Variants in IL1RAPL2 observed in about 807,000 individuals in gnomAD.
The protein encoded by IL1RAPL2 is interleukin 1 receptor accessory protein like 2, also known as X-linked interleukin-1 receptor accessory protein-like 2.
A neutral mutation model predicts 44.1 loss-of-function variants in IL1RAPL2; 3 were observed. That is an observed-to-expected ratio of 0.07 (90% CI 0.03 to 0.18). The LOEUF is 0.18. Among genes scored for constraint, IL1RAPL2 ranks in the 10% least tolerant of loss-of-function variants. The pLI is 1.00. For missense variants in IL1RAPL2, 391 were observed against 496.4 expected (o/e 0.79, Z 2.02); for synonymous variants, 181 against 178.8 (o/e 1.01, Z -0.10).
intron 2 of IL1RAPL2, among the ~76,000 whole-genome samples, chrX:104,978,816 G>A (rs2030384101): frequency 1.8e-5 from 2 of 111,637 alleles, no homozygotes; most frequent in South Asian, 7.5e-4. Flanking sequence ...AAGAAAAAAT[G>A]TATTTTTTAT....
chrX:105,272,207 C>T (rs959032468), intron 5 of IL1RAPL2, among the ~76,000 whole-genome samples: 10 of 107,288 alleles, frequency 9.3e-5, no homozygotes, highest in South Asian at 4.3e-4. Context: ...GGGTGCAGCG[C>T]ACCAGCATGG....
At chrX:105,235,507 T>C (rs1418520983) in intron 4 of IL1RAPL2, among the ~76,000 whole-genome samples, 1 of 111,623 alleles carries the variant, frequency 9.0e-6, no homozygotes. Flanking sequence ...CTCCCACAGC[T>C]GTCATATGCC....
rs775964455 is a variant in IL1RAPL2, at chrX:104,949,850, G to A, written c.83-245625G>A. 3.1e-3 allele frequency among the ~76,000 whole-genome samples: 345 copies of A among 111,130 alleles called. 2 individuals carry two copies. Among genetic ancestry groups the A allele is most frequent in the African/African-American group, 1.0e-2 (305 of 30,565 alleles). On this transcript the variant is annotated intron_variant, in intron 2 of 10. Coordinates refer to ENST00000372582, the MANE Select transcript of IL1RAPL2 (RefSeq NM_017416.2). Reference sequence around the variant, plus strand: ...AGCTTTACTTCCAAGTATGTGGTCAGTTTTGGAATAGGTGTGGTGTGGTGC... The same window carrying A: ...AGCTTTACTTCCAAGTATGTGGTCAATTTTGGAATAGGTGTGGTGTGGTGC...
intron 6 of IL1RAPL2, among the ~76,000 whole-genome samples, chrX:105,697,218 G>A (rs1266009958): frequency 1.8e-5 from 2 of 109,227 alleles, no homozygotes; most frequent in Non-Finnish European, 3.8e-5. Context: ...TTTCAACCTT[G>A]GGGTTCACAT....
intron 6 of IL1RAPL2, among the ~76,000 whole-genome samples, chrX:105,615,587 A>T (rs2037369717): frequency 8.9e-6 from 1 of 112,127 alleles, no homozygotes; most frequent in Non-Finnish European, 1.9e-5. Context: ...GCACAAAAAG[A>T]TTCACTTTGC....
rs62604975 is a variant in IL1RAPL2 at position 105,685,351 on chromosome X, G to C, written c.773-32016G>C. 4.0e-3 allele frequency among the ~76,000 whole-genome samples: 453 copies of C among 111,856 alleles called. 1 individual carries two copies. Among genetic ancestry groups the C allele is most frequent in the Non-Finnish European group, 6.4e-3 (341 of 53,185 alleles). On this transcript the variant is annotated intron_variant, in intron 6 of 10. Transcript: ENST00000372582. ...GGCTAATTAGAATAAACAGTGTAGA[G>C]AAGATCTTAAATGACCTGATGGAGC...
At chrX:104,877,753 T>TG in intron 2 of IL1RAPL2, among the ~76,000 whole-genome samples, 1 of 111,639 alleles carries the variant, frequency 9.0e-6, no homozygotes, top group East Asian at 2.8e-4. Flanking sequence ...CAGGGCATTT[T>TG]TTTTTTCTTG....
chrX:104,912,907 T>G (rs183043111), intron 2 of IL1RAPL2, among the ~76,000 whole-genome samples: 4 of 112,220 alleles, frequency 3.6e-5, no homozygotes, highest in Non-Finnish European at 5.6e-5. Flanking sequence ...ACAAAAGAAG[T>G]AGCAGGCATA....
chrX:105,179,776 A>AT (rs377379863), intron 2 of IL1RAPL2, among the ~76,000 whole-genome samples: 1,359 of 86,172 alleles, frequency 0.016, 29 homozygotes, highest in African/African-American at 0.054. Context: ...TGCTTTCTTG[A>AT]TTTTTTTTTT....
intron 7 of IL1RAPL2, among the ~76,000 whole-genome samples, chrX:105,726,849 C>T (rs2147561570): frequency 9.1e-6 from 1 of 110,415 alleles, no homozygotes; most frequent in African/African-American, 3.3e-5. Context: ...CATTACAAAA[C>T]TTTCTTCCTT....
intron 5 of IL1RAPL2, among the ~76,000 whole-genome samples, chrX:105,450,599 G>C (rs1296410918): frequency 2.7e-5 from 3 of 111,766 alleles, no homozygotes; most frequent in African/African-American, 9.8e-5. Context: ...GTAATAAATA[G>C]TTCCAGTGAA....
At chrX:105,291,877 T>G (rs2034615576) in intron 5 of IL1RAPL2, among the ~76,000 whole-genome samples, 1 of 111,305 alleles carries the variant, frequency 9.0e-6, no homozygotes, top group South Asian at 3.8e-4. Flanking sequence ...ACATATGGAT[T>G]TTTTTCAACC....
intron 5 of IL1RAPL2, among the ~76,000 whole-genome samples, chrX:105,348,336 C>G (rs901600651): frequency 7.2e-5 from 8 of 111,370 alleles, no homozygotes; most frequent in Admixed American, 3.9e-4. Context: ...AATCCTGGCT[C>G]TTCCAATTAA....
chrX:104,949,819 G>A (rs1368453067), intron 2 of IL1RAPL2, among the ~76,000 whole-genome samples: 1 of 111,303 alleles, frequency 9.0e-6, no homozygotes, highest in African/African-American at 3.3e-5. Context: ...TACATTTGCT[G>A]AGGAGAGCTT....
chrX:104,899,366 A>T (rs187414448), intron 2 of IL1RAPL2, among the ~76,000 whole-genome samples: 4 of 112,007 alleles, frequency 3.6e-5, no homozygotes, highest in Admixed American at 2.8e-4. Context: ...ATCATTACAA[A>T]TTTTATTTTG....
In IL1RAPL2 at chrX:104,834,534, T is replaced by C. The variant is rs564156649; in HGVS notation, c.82+175539T>C. ...TGTGGGAAAGACAAGAGGAAATCAGTTATAAATATTTTACACACAAACAAA... is the reference window on the plus strand; with the variant it reads ...TGTGGGAAAGACAAGAGGAAATCAGCTATAAATATTTTACACACAAACAAA... On this transcript the variant is annotated intron_variant, in intron 2 of 10. Transcript: ENST00000372582. Among the ~76,000 whole-genome samples, 28 of 112,095 alleles carry C rather than the reference T, an allele frequency of 2.5e-4. No homozygotes were observed. In the South Asian group the frequency reaches 0.01, roughly 41 times the overall value.
chrX:105,354,298 T>A (rs1029453902), intron 5 of IL1RAPL2, among the ~76,000 whole-genome samples: 4 of 109,811 alleles, frequency 3.6e-5, no homozygotes, highest in Non-Finnish European at 7.6e-5. Flanking sequence ...GTGGCACATA[T>A]ACACCATGGA....
chrX:105,022,350 A>G (rs193244425), intron 2 of IL1RAPL2, among the ~76,000 whole-genome samples: 95 of 111,394 alleles, frequency 8.5e-4, no homozygotes, highest in Admixed American at 2.7e-3. Flanking sequence ...AATAAAGAAG[A>G]ATCAGATTGT....
At chrX:105,612,875 A>C (rs777379888) in intron 6 of IL1RAPL2, among the ~76,000 whole-genome samples, 51 of 111,702 alleles carry the variant, frequency 4.6e-4, no homozygotes, top group South Asian at 3.8e-4. Context: ...CCATGGGCTA[A>C]AGTGCTCTGG....
Sources: allele counts gnomAD v4.1 joint callset (sites outside exome capture counted in the v4.1 genomes callset), GRCh38; gene constraint gnomAD v4.1.1; transcripts MANE v1.5; gene names NCBI Gene and HGNC (gene_info 2026-07-23, HGNC 2026-07-21).